The following FHIP1A variants were observed in gnomAD, a reference collection of about 807,000 sequenced individuals.
FHIP1A encodes the protein FHF complex subunit HOOK interacting protein 1A.
A neutral mutation model predicts 88.6 loss-of-function variants in FHIP1A; 61 were observed. The observed-to-expected ratio is 0.69, with a 90% CI of 0.56 to 0.85. The LOEUF is 0.85. Among genes scored for constraint, FHIP1A ranks in the 40% least tolerant of loss-of-function variants. The pLI is 0.00. For synonymous variants in FHIP1A, 478 were observed against 496.0 expected, an observed-to-expected ratio of 0.96 and a Z score of 0.48; for missense variants, 1,154 against 1,273.5, an observed-to-expected ratio of 0.91 and a Z score of 1.43.
intron 9 of FHIP1A, among the ~76,000 whole-genome samples, chr4:151,645,385 C>T (rs1736753276): frequency 6.6e-6 from 1 of 152,076 alleles, no homozygotes; most frequent in Non-Finnish European, 1.5e-5. Flanking sequence ...GACTCTGGCT[C>T]TTGCAGTGGA....
At chr4:151,487,991 CT>C (rs1730146105) in intron 3 of FHIP1A, among the ~76,000 whole-genome samples, 2 of 152,184 alleles carry the variant, frequency 1.3e-5, no homozygotes, top group South Asian at 2.1e-4. Context: ...TGCTAAATCT[CT>C]CTTAAAACTA....
chr4:151,415,696 A>G (rs1184676387), intron 1 of FHIP1A, among the ~76,000 whole-genome samples: 4 of 152,186 alleles, frequency 2.6e-5, no homozygotes, highest in African/African-American at 9.7e-5. Context: ...AGTTATATGA[A>G]CATATTCTTT....
At chr4:151,653,733 A>C (rs1466026249) in intron 11 of FHIP1A, among the ~76,000 whole-genome samples, 3 of 152,230 alleles carry the variant, frequency 2.0e-5, no homozygotes, top group African/African-American at 7.2e-5. Flanking sequence ...TCAGGTCCAC[A>C]TCAGAGATAT....
At chr4:151,457,449 C>T (rs760818072) in intron 2 of FHIP1A, among the ~76,000 whole-genome samples, 4 of 152,092 alleles carry the variant, frequency 2.6e-5, no homozygotes, top group South Asian at 2.1e-4. Flanking sequence ...TTGGTCTATC[C>T]GTGTTGTGCC....
rs555960654 is a variant in FHIP1A, at chr4:151,630,727, G to A, written c.1146+858G>A. Among the ~76,000 whole-genome samples the A allele has an allele frequency of 3.3e-5, 5 of 152,242 alleles. No individual in the cohort carries two copies. In the South Asian group the frequency reaches 1.0e-3, roughly 32 times the overall value. On this transcript the variant is annotated intron_variant, in intron 8 of 13. Transcript: ENST00000435205. Reference sequence around the variant, plus strand: ...ATACACATTCTCCTCAAATGTACATGGAATATTCTCCAAGACAGACCATGT... The same window carrying A: ...ATACACATTCTCCTCAAATGTACATAGAATATTCTCCAAGACAGACCATGT...
intron 3 of FHIP1A, among the ~76,000 whole-genome samples, chr4:151,502,589 G>A (rs1014691898): frequency 1.3e-5 from 2 of 151,994 alleles, no homozygotes; most frequent in African/African-American, 2.4e-5. Flanking sequence ...GCAAAAAGAA[G>A]GAAGAAAAAT....
At chr4:151,556,728 C>CA (rs2126755499) in intron 3 of FHIP1A, among the ~76,000 whole-genome samples, 1 of 152,206 alleles carries the variant, frequency 6.6e-6, no homozygotes, top group South Asian at 2.1e-4. Flanking sequence ...AGAGGGAAGA[C>CA]AATCATTTAC....
At chr4:151,648,372 C>T (rs745391040) in intron 10 of FHIP1A, among the ~76,000 whole-genome samples, 17 of 152,102 alleles carry the variant, frequency 1.1e-4, no homozygotes, top group Non-Finnish European at 2.2e-4. Flanking sequence ...TGTCTTTTTA[C>T]ATAACATAGA....
At position 151,656,082 on chromosome 4, in the gene FHIP1A, A is replaced by G. The variant is rs1412775214; in HGVS notation, c.2552-150A>G. 2 of 543,150 alleles carry G rather than the reference A, an allele frequency of 3.7e-6. No individual in the cohort carries two copies. Among genetic ancestry groups the G allele is most frequent in the African/African-American group, 3.8e-5 (2 of 52,628 alleles). 33.6% of individuals were successfully genotyped at this position (543,150 alleles called of 1,614,324 possible). On this transcript the variant is annotated intron_variant, in intron 11 of 13. Coordinates refer to ENST00000435205, the MANE Select transcript of FHIP1A (RefSeq NM_001109977.3). The surrounding 1 kb of genome is among the most constrained non-coding windows in gnomAD (Gnocchi z 4.2). ...TTGTTTTCCGTTTTGGTTTTGAGGC[A>G]GGAGAAAACGTGGCCATATTTGCTG...
intron 3 of FHIP1A, among the ~76,000 whole-genome samples, chr4:151,483,953 T>C (rs1729988959): frequency 6.6e-6 from 1 of 152,176 alleles, no homozygotes; most frequent in Non-Finnish European, 1.5e-5. Context: ...GATTTAATAA[T>C]TGTTAATAGG....
intron 11 of FHIP1A, among the ~76,000 whole-genome samples, chr4:151,654,766 A>G (rs1737165612): frequency 6.6e-6 from 1 of 152,138 alleles, no homozygotes; most frequent in Non-Finnish European, 1.5e-5. Flanking sequence ...CAAGTCTCCC[A>G]GTTGTTTGTT....
At position 151,577,534 on chromosome 4, in the gene FHIP1A, G is replaced by T. The variant is rs746592641; in HGVS notation, c.190G>T (p.Val64Leu). The T allele has an allele frequency of 9.7e-6, 15 of 1,551,616 alleles. No homozygotes were observed. The Admixed American group carries it at 2.2e-4, about 22-fold the overall frequency. Reference protein sequence around the residue: ...GSIPPDEASAVQNYVEHMLFL... With the variant: ...GSIPPDEASALQNYVEHMLFL... ...TATCCCTCCAGATGAGGCCAGTGCCGTGCAGAATTACGTAGAACACATGCT... is the reference window on the plus strand; with the variant it reads ...TATCCCTCCAGATGAGGCCAGTGCCTTGCAGAATTACGTAGAACACATGCT... Residue 64 changes from valine (V) to leucine (L), a missense_variant, in exon 5 of 14, where the codon GTG becomes TTG. Val to Leu is a conservative substitution (Grantham distance 32). Coordinates refer to ENST00000435205, the MANE Select transcript of FHIP1A (RefSeq NM_001109977.3).
intron 1 of FHIP1A, among the ~76,000 whole-genome samples, chr4:151,433,782 G>A (rs1327311134): frequency 6.6e-6 from 1 of 152,096 alleles, no homozygotes; most frequent in Non-Finnish European, 1.5e-5. Flanking sequence ...TACACTATTA[G>A]ACTCGTAGCC....
chr4:151,427,977 A>G (rs1463047739), intron 1 of FHIP1A, among the ~76,000 whole-genome samples: 1 of 152,174 alleles, frequency 6.6e-6, no homozygotes, highest in East Asian at 1.9e-4. Context: ...AAATCACCCA[A>G]TTTATGTACC....
Position 151,650,562 on chromosome 4 carries a change from C to G in FHIP1A, c.2521C>G (p.Pro841Ala). ...TGAGGCTGCCTTTGCCAGTCGCCATCCCGTGAGGACTCAAAGCACCCCATT... is the reference window on the plus strand; with the variant it reads ...TGAGGCTGCCTTTGCCAGTCGCCATGCCGTGAGGACTCAAAGCACCCCATT... Reference protein sequence around the residue: ...RDEAAFASRHPVRTQSTPFTG... With the variant: ...RDEAAFASRHAVRTQSTPFTG... Residue 841 changes from proline (P) to alanine (A), a missense_variant, in exon 11 of 14, where the codon CCC (proline) becomes GCC (alanine). Transcript: ENST00000435205. 1 of 1,550,860 alleles carries G rather than the reference C, an allele frequency of 6.4e-7. No homozygotes were observed.
chr4:151,433,029 G>A (rs1733653770), intron 1 of FHIP1A, among the ~76,000 whole-genome samples: 1 of 152,146 alleles, frequency 6.6e-6, no homozygotes, highest in Non-Finnish European at 1.5e-5. Context: ...GAAAGATACA[G>A]CTTATTTTGG....
intron 1 of FHIP1A, among the ~76,000 whole-genome samples, chr4:151,429,285 G>T (rs2126536748): frequency 6.6e-6 from 1 of 152,356 alleles, no homozygotes; most frequent in East Asian, 1.9e-4. Flanking sequence ...ACCTAGTACA[G>T]ATTAGGTACA....
intron 10 of FHIP1A, among the ~76,000 whole-genome samples, chr4:151,648,890 C>G (rs914343734): frequency 1.3e-5 from 2 of 151,996 alleles, no homozygotes; most frequent in Non-Finnish European, 2.9e-5. Flanking sequence ...AAGCAGCATT[C>G]TTGGGTTAAA....
intron 1 of FHIP1A, among the ~76,000 whole-genome samples, chr4:151,435,705 A>G (rs1309493679): frequency 6.6e-6 from 1 of 151,772 alleles, no homozygotes; most frequent in Non-Finnish European, 1.5e-5. Flanking sequence ...GAATCGCTTG[A>G]ACCCAGGAGG....
Sources: gnomAD v4.1 joint callset for allele counts (sites outside exome capture counted in the v4.1 genomes callset) on GRCh38, gnomAD v4.1.1 for gene constraint, Gnocchi (gnomAD v3.1) non-coding constraint, MANE v1.5 for transcripts, NCBI Gene and HGNC (gene_info 2026-07-23, HGNC 2026-07-21) for gene names.